Variants in ZFAND3 observed in about 807,000 individuals in gnomAD.
ZFAND3 encodes the protein zinc finger AN1-type containing 3.
In ZFAND3, 10 loss-of-function variants were observed where a neutral mutation model predicts 29.6. The ratio of observed to expected loss-of-function variants is 0.34; its 90% CI spans 0.21 to 0.57. The LOEUF (loss-of-function observed/expected upper bound fraction) is 0.57. ZFAND3 is among the 20% of genes least tolerant of loss of function. The pLI is 0.86. For synonymous variants in ZFAND3, 128 were observed against 112.6 expected, an observed-to-expected ratio of 1.14 and a Z score of -0.87; for missense variants, 230 against 304.5, an observed-to-expected ratio of 0.76 and a Z score of 1.82.
At chr6:38,082,814 A>T (rs1764689355) in intron 4 of ZFAND3, among the ~76,000 whole-genome samples, 1 of 152,184 alleles carries the variant, frequency 6.6e-6, no homozygotes, top group Non-Finnish European at 1.5e-5. Context: ...TAATGTAGAA[A>T]ATCAGTGTTT....
chr6:37,852,455 C>T (rs746048260), intron 1 of ZFAND3, among the ~76,000 whole-genome samples: 2 of 151,946 alleles, frequency 1.3e-5, no homozygotes, highest in Non-Finnish European at 2.9e-5. Flanking sequence ...TTCTGCCTGG[C>T]TCCATAAGTC....
chr6:37,840,391 G>A (rs1308421950), intron 1 of ZFAND3, among the ~76,000 whole-genome samples: 3 of 152,332 alleles, frequency 2.0e-5, no homozygotes, highest in South Asian at 4.1e-4. Flanking sequence ...GCGCCACCGC[G>A]CCTGGCCAAT....
chr6:37,973,379 T>A (rs1472456068), intron 2 of ZFAND3, among the ~76,000 whole-genome samples: 1 of 152,194 alleles, frequency 6.6e-6, no homozygotes, highest in Non-Finnish European at 1.5e-5. Context: ...ACACCACTTA[T>A]GAAAGTTTCT....
chr6:37,995,985 C>T (rs566052131), intron 2 of ZFAND3, among the ~76,000 whole-genome samples: 5 of 151,772 alleles, frequency 3.3e-5, no homozygotes, highest in South Asian at 4.2e-4. Flanking sequence ...AAAAATTAGC[C>T]GGGCGTGGTG....
chr6:37,891,418 C>CCCCG (rs1765097128), intron 1 of ZFAND3, among the ~76,000 whole-genome samples: 3 of 137,070 alleles, frequency 2.2e-5, no homozygotes, highest in East Asian at 2.3e-4. Context: ...GATTTCAGTC[C>CCCCG]CCCCCCCCGC....
At chr6:37,925,293 C>T (rs1761462600) in intron 1 of ZFAND3, among the ~76,000 whole-genome samples, 1 of 152,076 alleles carries the variant, frequency 6.6e-6, no homozygotes, top group East Asian at 1.9e-4. Context: ...TAATGGTGGC[C>T]ATCATAGAAG....
Position 38,153,718 on chromosome 6 carries a change from A to G in ZFAND3, c.*1329A>G. The G allele has an allele frequency of 6.1e-6, 6 of 985,402 alleles. No individual in the cohort carries two copies. The highest frequency in any genetic ancestry group is 7.2e-6 in the Non-Finnish European group (6 of 829,956). The allele number at this position is 985,402 out of a possible 1,614,324, so 61.0% of individuals were successfully genotyped here. The stretch of plus-strand genomic sequence containing the variant: ...TGCCCCATGTTAGGAAATCACTACC[A>G]GTCAGGTGGGGCTGGGGCTGGGTGG... On this transcript the variant is annotated 3_prime_UTR_variant, in exon 6 of 6. Coordinates refer to ENST00000287218, the MANE Select transcript of ZFAND3 (RefSeq NM_021943.3).
At chr6:37,979,175 T>A (rs1284953521) in intron 2 of ZFAND3, among the ~76,000 whole-genome samples, 1 of 152,238 alleles carries the variant, frequency 6.6e-6, no homozygotes, top group East Asian at 1.9e-4. Flanking sequence ...AAAGATTTAA[T>A]GCTAAAATTT....
At chr6:38,028,368 A>AT (rs1763487420) in intron 2 of ZFAND3, among the ~76,000 whole-genome samples, 1 of 152,162 alleles carries the variant, frequency 6.6e-6, no homozygotes, top group South Asian at 2.1e-4. Flanking sequence ...TTAGATACAC[A>AT]TTACACCAAA....
intron 1 of ZFAND3, among the ~76,000 whole-genome samples, chr6:37,837,571 C>T (rs1763992393): frequency 6.7e-6 from 1 of 149,944 alleles, no homozygotes; most frequent in African/African-American, 2.5e-5. Flanking sequence ...ATGGTGCAAT[C>T]TTGGCTCACT....
chr6:37,975,127 C>T (rs1762457179), intron 2 of ZFAND3, among the ~76,000 whole-genome samples: 1 of 152,136 alleles, frequency 6.6e-6, no homozygotes, highest in African/African-American at 2.4e-5. Flanking sequence ...GTTTCAGTTC[C>T]TCCATATCCT....
rs562411275 is a variant in ZFAND3, at chr6:38,015,458, T to G, written c.113-46135T>G. 5.0e-4 allele frequency among the ~76,000 whole-genome samples: 76 copies of G among 152,270 alleles called. 1 individual carries two copies. The highest frequency in any genetic ancestry group is 1.7e-3 in the African/African-American group (71 of 41,554). On this transcript the variant is annotated intron_variant, in intron 2 of 5. Coordinates refer to ENST00000287218, the MANE Select transcript of ZFAND3 (RefSeq NM_021943.3). ...TGGCCTGACATTTCTAAGTCTGTATTCTGGAAATGCTTGTTCAAAGGAGTC... is the reference window on the plus strand; with the variant it reads ...TGGCCTGACATTTCTAAGTCTGTATGCTGGAAATGCTTGTTCAAAGGAGTC...
At chr6:38,070,365 A>G (rs1040168042) in intron 3 of ZFAND3, among the ~76,000 whole-genome samples, 1 of 151,888 alleles carries the variant, frequency 6.6e-6, no homozygotes. Context: ...CGAAGGTTGC[A>G]GTGAGCCGAG....
chr6:38,152,512 TC>T lies in ZFAND3; in HGVS notation c.*124del. 1 of 1,373,240 alleles carries T rather than the reference TC, an allele frequency of 7.3e-7. No individual in the cohort carries two copies. Among genetic ancestry groups the T allele is most frequent in the Non-Finnish European group, 9.4e-7 (1 of 1,062,924 alleles). 85.1% of individuals were successfully genotyped at this position (1,373,240 alleles called of 1,614,324 possible). On this transcript the variant is annotated 3_prime_UTR_variant, in exon 6 of 6. Transcript: ENST00000287218. The stretch of plus-strand genomic sequence containing the variant: ...CAGACTGCAGCCAGTCCGTTTCCTT[TC>T]TTTAGCCAGCCATCCTGGTACTGTA...
intron 2 of ZFAND3, among the ~76,000 whole-genome samples, chr6:38,036,433 TG>T (rs1190633904): frequency 7.2e-5 from 11 of 152,170 alleles, no homozygotes; most frequent in Non-Finnish European, 1.3e-4. Context: ...CAGACTTGGT[TG>T]TATTATCTAA....
At chr6:37,950,408 C>T (rs1263026866) in intron 2 of ZFAND3, among the ~76,000 whole-genome samples, 5 of 149,396 alleles carry the variant, frequency 3.3e-5, no homozygotes, top group South Asian at 2.1e-4. Flanking sequence ...GTCAGAGTCT[C>T]GCTCTGTCGC....
At chr6:37,972,697 ATT>A (rs56885104) in intron 2 of ZFAND3, among the ~76,000 whole-genome samples, 28 of 143,208 alleles carry the variant, frequency 2.0e-4, no homozygotes, top group East Asian at 2.0e-4. Context: ...AGGCCTATTA[ATT>A]TTTTTTTTTT....
chr6:37,842,558 T>C (rs538936195), intron 1 of ZFAND3, among the ~76,000 whole-genome samples: 1 of 152,316 alleles, frequency 6.6e-6, no homozygotes, highest in South Asian at 2.1e-4. Context: ...AGTTTCTCTA[T>C]TCTCCTGTTT....
At chr6:37,860,240 C>A (rs1401522009) in intron 1 of ZFAND3, among the ~76,000 whole-genome samples, 1 of 142,886 alleles carries the variant, frequency 7.0e-6, no homozygotes, top group Non-Finnish European at 1.5e-5. Context: ...TAAGAAGTGG[C>A]AGTTTTATGG....
Sources: gnomAD v4.1 joint callset for allele counts (sites outside exome capture counted in the v4.1 genomes callset) on GRCh38, gnomAD v4.1.1 for gene constraint, MANE v1.5 for transcripts, NCBI Gene and HGNC (gene_info 2026-07-23, HGNC 2026-07-21) for gene names.